Variants in DHX38 observed in about 807,000 individuals in gnomAD.
DHX38 encodes the protein DEAH-box helicase 38.
In DHX38, 100 loss-of-function variants were observed where a neutral mutation model predicts 153.1. The ratio of observed to expected loss-of-function variants is 0.65; its 90% CI spans 0.56 to 0.77. The LOEUF (loss-of-function observed/expected upper bound fraction) is 0.77. Among genes scored for constraint, DHX38 ranks in the 30% least tolerant of loss-of-function variants. The pLI is 0.00. For synonymous variants in DHX38, 650 were observed against 631.7 expected (o/e 1.03, Z -0.43); for missense variants, 1,440 against 1,654.0 (o/e 0.87, Z 2.24).
At position 72,105,157 on chromosome 16, in the gene DHX38, C is replaced by T. The variant is rs2042156746; in HGVS notation, c.2262+20C>T. ...ATTGAGGTGCGTGCCTTGGTCACGACTGTGATGAGCGGGTGTGTCTTGCAT... is the reference window on the plus strand; with the variant it reads ...ATTGAGGTGCGTGCCTTGGTCACGATTGTGATGAGCGGGTGTGTCTTGCAT... On this transcript the variant is annotated intron_variant, in intron 16 of 26. Transcript: ENST00000268482. 2.5e-6 allele frequency: 4 copies of T among 1,613,784 alleles called. No individual in the cohort carries two copies. The highest frequency in any genetic ancestry group is 2.7e-5 in the African/African-American group (2 of 74,924).
At chr16:72,099,557 C>T (rs1597440558) in intron 7 of DHX38, among the ~76,000 whole-genome samples, 175 bp from the exon 8 acceptor site, 1 of 116,130 alleles carries the variant, frequency 8.6e-6, no homozygotes, top group South Asian at 2.6e-4. Flanking sequence ...TAGTTGCCCA[C>T]TGTGGTTCTC....
chr16:72,111,126 G>A, intron 26 of DHX38, 49 bp downstream of exon 26: 2 of 1,508,370 alleles, frequency 1.3e-6, no homozygotes, highest in Non-Finnish European at 1.8e-6. Context: ...CATCCCAGGA[G>A]GCTGCCAGAG....
Position 72,109,407 on chromosome 16 carries a change from G to A in DHX38, c.3382-8G>A. 6.2e-7 allele frequency: 1 copy of A among 1,612,380 alleles called. No homozygotes were observed. Among genetic ancestry groups the A allele is most frequent in the Non-Finnish European group, 8.5e-7 (1 of 1,179,504 alleles). ...GTGACCCTCGCCTCCCTGCCCTTCT[G>A]CCCGCAGGAGTATATGCAGTGTGTG... On this transcript the variant is annotated splice_polypyrimidine_tract_variant and splice_region_variant and intron_variant, in intron 24 of 26. Transcript: ENST00000268482.
Position 72,105,279 on chromosome 16 carries a change from G to A in DHX38, c.2310G>A (p.Ala770=), listed in dbSNP as rs141229875. Reference sequence around the variant, plus strand: ...AGCATCTGGAGGAACTGGAGAACGCGCCTGCCCTGGCTGTGCTGCCCATCT... The same window carrying A: ...AGCATCTGGAGGAACTGGAGAACGCACCTGCCCTGGCTGTGCTGCCCATCT... ...IVEHLEELEN[A]PALAVLPIYS... is the part of the protein sequence containing the mutation. The change falls in exon 17 of 27, where the codon GCG becomes GCA. Residue 770 remains alanine, a synonymous_variant. Coordinates refer to ENST00000268482, the MANE Select transcript of DHX38 (RefSeq NM_014003.4). 30 of 1,614,034 alleles carry A rather than the reference G, an allele frequency of 1.9e-5. No individual in the cohort carries two copies. Among genetic ancestry groups the A allele is most frequent in the Admixed American group, 1.3e-4 (8 of 60,006 alleles).
In DHX38 at chr16:72,103,726, G is replaced by A; in HGVS notation, c.1762G>A (p.Val588Ile). ...GMIGCTQPRR[V>I]AAMSVAKRVS... is the part of the protein sequence containing the mutation. ...GATTGGGTGTACCCAGCCCCGGCGT[G>A]TAGCTGCCATGTCAGTGGCCAAGAG... is the stretch of plus-strand genomic sequence containing the variant. Residue 588 changes from valine (V) to isoleucine (I), a missense_variant, in exon 13 of 27, where the codon GTA (valine) becomes ATA (isoleucine). Around this residue, in one of 6 missense-constraint regions of DHX38, gnomAD observed 241 missense variants for 229.5 expected, o/e 1.05. Coordinates refer to ENST00000268482, the MANE Select transcript of DHX38 (RefSeq NM_014003.4). 1 of 1,614,124 alleles carries A rather than the reference G, an allele frequency of 6.2e-7. No homozygotes were observed. The highest frequency in any genetic ancestry group is 8.5e-7 in the Non-Finnish European group (1 of 1,179,962).
intron 9 of DHX38, 129 bp downstream of exon 9, chr16:72,100,726 T>G (rs1399014817): frequency 3.0e-6 from 4 of 1,337,192 alleles, no homozygotes; most frequent in Non-Finnish European, 4.1e-6. Flanking sequence ...ATACCAGGAG[T>G]TCAAGGCCTG....
intron 1 of DHX38, chr16:72,094,415 A>G (rs563386042): frequency 1.3e-5 from 2 of 152,120 alleles, no homozygotes; most frequent in Non-Finnish European, 2.9e-5. Context: ...ATACCAGGCA[A>G]TCTGGTGGGC....
intron 10 of DHX38, 29 bp from the exon 11 acceptor site, chr16:72,101,471 T>G: frequency 6.5e-7 from 1 of 1,541,984 alleles, no homozygotes. Context: ...TGTGGCAGGA[T>G]GGAGCAGACT....
chr16:72,108,265 C>G lies in DHX38; in HGVS notation c.3003C>G (p.Phe1001Leu). The G allele has an allele frequency of 6.2e-7, 1 of 1,613,994 alleles. No individual in the cohort carries two copies. The highest frequency in any genetic ancestry group is 1.1e-5 in the South Asian group (1 of 91,064). Residue 1001 changes from phenylalanine to leucine, a missense_variant, in exon 22 of 27, where the codon TTC becomes TTG. Transcript: ENST00000268482. The stretch of plus-strand genomic sequence containing the variant: ...AGAGTGATCAAATCCGGGAGAAGTT[C>G]GCTGTTCCTGAGAGCGATCATTTGA... The part of the protein sequence containing the change: ...EEESDQIREK[F>L]AVPESDHLTY...
chr16:72,105,970 C>G lies in DHX38; in HGVS notation c.2488-35C>G, dbSNP rs778365545. The stretch of plus-strand genomic sequence containing the variant: ...GGCCTACTTCCACTTTCCCCTCACT[C>G]TGTCCTTCGTCAGCTCTTTGCCGTC... On this transcript the variant is annotated intron_variant, in intron 18 of 26. Coordinates refer to ENST00000268482, the MANE Select transcript of DHX38 (RefSeq NM_014003.4). 8.1e-6 allele frequency: 13 copies of G among 1,596,998 alleles called. No individual in the cohort carries two copies. The South Asian group carries it at 9.9e-5, about 12-fold the overall frequency.
In DHX38 at chr16:72,110,975, A is replaced by G. The variant is rs757473166; in HGVS notation, c.3497A>G (p.Lys1166Arg). ...CAATAGGAGAACCGTCGTCGGGCCA[A>G]AGAGGAAGCCTCTGCCATGGAGGAG... ...KSRQENRRRA[K>R]EEASAMEEEM... The change falls in exon 26 of 27, where the codon AAA becomes AGA. Residue 1166 changes from lysine to arginine, a missense_variant. Lys to Arg is a conservative substitution (Grantham distance 26). Coordinates refer to ENST00000268482, the MANE Select transcript of DHX38 (RefSeq NM_014003.4). 5.7e-6 allele frequency: 9 copies of G among 1,587,632 alleles called. No individual in the cohort carries two copies. The highest frequency in any genetic ancestry group is 1.1e-5 in the South Asian group (1 of 87,026).
At chr16:72,099,073 G>A (rs763619150) in intron 6 of DHX38, 28 bp downstream of exon 6, 7 of 1,611,230 alleles carry the variant, frequency 4.3e-6, no homozygotes, top group Non-Finnish European at 5.9e-6. Flanking sequence ...GCAGGCAGAA[G>A]AGCAGGCTTG....
Position 72,099,795 on chromosome 16 carries a change from T to A in DHX38, c.1024T>A (p.Tyr342Asn), listed in dbSNP as rs2042075000. 1 of 1,614,050 alleles carries A rather than the reference T, an allele frequency of 6.2e-7. No individual in the cohort carries two copies. The highest frequency in any genetic ancestry group is 8.5e-7 in the Non-Finnish European group (1 of 1,180,030). Residue 342 changes from tyrosine (Y) to asparagine (N), a missense_variant, in exon 8 of 27, where the codon TAC becomes AAC. Tyr to Asn is a moderately radical substitution (Grantham distance 143). Transcript: ENST00000268482. ...GYDEFHNPLA[Y>N]SSEDYVRRRE... ...TGACGAGTTCCACAACCCGCTGGCC[T>A]ACTCCTCCGAGGACTACGTGAGGAG...
In DHX38 at chr16:72,110,998, G is replaced by T; in HGVS notation, c.3520G>T (p.Glu1174Ter). Residue 1174 changes from glutamate to a stop codon, truncating the protein, a stop_gained, in exon 26 of 27, where the codon GAG (glutamate) becomes TAG (stop). Coordinates refer to ENST00000268482, the MANE Select transcript of DHX38 (RefSeq NM_014003.4). LOFTEE classifies it high-confidence loss of function. ...RAKEEASAME[E>*]EMALAEEQLR... is the part of the protein sequence containing the mutation. ...CAAAGAGGAAGCCTCTGCCATGGAG[G>T]AGGAGATGGCGCTGGCCGAGGAGCA... 6.3e-7 allele frequency: 1 copy of T among 1,588,006 alleles called. No homozygotes were observed. Among genetic ancestry groups the T allele is most frequent in the South Asian group, 1.1e-5 (1 of 86,982 alleles).
chr16:72,096,890 G>A lies in DHX38; in HGVS notation c.392G>A (p.Arg131His), dbSNP rs769008594. 3.1e-6 allele frequency: 5 copies of A among 1,613,924 alleles called. No individual in the cohort carries two copies. The South Asian group carries it at 3.3e-5, about 11-fold the overall frequency. Reference sequence around the variant, plus strand: ...GGTGTGAGCGAAGAGTTTTGGGAACGCAGTCGGCAGAGAGAGCGGGAGCGG... The same window carrying A: ...GGTGTGAGCGAAGAGTTTTGGGAACACAGTCGGCAGAGAGAGCGGGAGCGG... ...PGGVSEEFWE[R>H]SRQRERERRE... The change falls in exon 3 of 27, where the codon CGC becomes CAC. Residue 131 changes from arginine (R) to histidine (H), a missense_variant. Arg to His is a conservative substitution (Grantham distance 29). Transcript: ENST00000268482.
At chr16:72,100,781 G>A (rs1476999453) in intron 9 of DHX38, among the ~76,000 whole-genome samples, 184 bp downstream of exon 9, 2 of 152,178 alleles carry the variant, frequency 1.3e-5, no homozygotes, top group African/African-American at 2.4e-5. Context: ...ACAAAAATTA[G>A]CCGGGTGTGG....
At chr16:72,103,040 C>T (rs1228454292) in intron 11 of DHX38, 34 bp from the exon 12 acceptor site, 3 of 1,610,046 alleles carry the variant, frequency 1.9e-6, no homozygotes, top group Admixed American at 1.7e-5. Flanking sequence ...CATGGGGCAC[C>T]ATGCAGGGTG....
At chr16:72,101,678 C>A in intron 11 of DHX38, 66 bp downstream of exon 11, 1 of 1,342,504 alleles carries the variant, frequency 7.4e-7, no homozygotes, top group South Asian at 1.3e-5. Flanking sequence ...TGGGCAGTTG[C>A]GGCAGAACCC....
rs145090795 is a variant in DHX38, at chr16:72,096,921, A to G, written c.423A>G (p.Glu141=). Residue 141 remains glutamate, a synonymous_variant, in exon 3 of 27, where the codon GAA becomes GAG. Transcript: ENST00000268482. ...RSRQRERERR[E]HGVYASSKEE... ...GGCAGAGAGAGCGGGAGCGGCGGGAACATGGTGTCTATGCCTCGTCCAAAG... is the reference window on the plus strand; with the variant it reads ...GGCAGAGAGAGCGGGAGCGGCGGGAGCATGGTGTCTATGCCTCGTCCAAAG... The G allele has an allele frequency of 6.2e-7, 1 of 1,614,034 alleles. No individual in the cohort carries two copies. The highest frequency in any genetic ancestry group is 1.7e-5 in the Admixed American group (1 of 60,018).
Sources: allele counts gnomAD v4.1 joint callset (sites outside exome capture counted in the v4.1 genomes callset), GRCh38; gene constraint gnomAD v4.1.1; regional missense constraint gnomAD v4.1.1; transcripts MANE v1.5; gene names NCBI Gene and HGNC (gene_info 2026-07-23, HGNC 2026-07-21).